GPC6: variants seen among roughly 807,000 people sequenced by gnomAD.
The protein encoded by GPC6 is glypican 6.
GPC6 carries 14 observed loss-of-function variants against 55.2 expected under a neutral mutation model. The ratio of observed to expected loss-of-function variants is 0.25; its 90% confidence interval spans 0.17 to 0.40. The LOEUF (loss-of-function observed/expected upper bound fraction) is 0.40. Ranked by LOEUF, GPC6 falls within the 10% of genes least tolerant of loss-of-function variation. The pLI is 1.00. For synonymous variants in GPC6, 278 were observed against 259.6 expected (o/e 1.07, Z -0.68); for missense variants, 641 against 708.5 (o/e 0.90, Z 1.08).
rs1266377644 is a variant in GPC6, at chr13:94,067,864, A to T, written c.877+39970A>T. ...TCTGGTTTTCTAGCCTTAGCAAAAG[A>T]TAAGGATACTAATGAATATGCTTAA... On this transcript the variant is annotated intron_variant, in intron 4 of 8. Transcript: ENST00000377047. Among the ~76,000 whole-genome samples, 3 of 152,340 alleles carry T rather than the reference A, an allele frequency of 2.0e-5. No homozygotes were observed. In the East Asian group the frequency reaches 5.8e-4, roughly 29 times the overall value.
intron 2 of GPC6, among the ~76,000 whole-genome samples, chr13:93,658,605 G>T (rs182737059): frequency 4.6e-5 from 7 of 151,498 alleles, no homozygotes; most frequent in Admixed American, 4.6e-4. Flanking sequence ...CCCTGTTAAT[G>T]TAATAGTTTA....
chr13:93,421,409 T>C (rs982744436), intron 1 of GPC6, among the ~76,000 whole-genome samples: 3 of 151,748 alleles, frequency 2.0e-5, no homozygotes, highest in African/African-American at 7.3e-5. Context: ...ATTGTTATTT[T>C]GTTTTAAAAA....
intron 1 of GPC6, among the ~76,000 whole-genome samples, chr13:93,262,821 C>T (rs8001306): frequency 0.04 from 6,094 of 152,130 alleles, 375 homozygotes; most frequent in African/African-American, 0.13. Context: ...GACCTGGACC[C>T]CAGCTGATGT....
At chr13:93,809,983 C>G (rs1186820162) in intron 2 of GPC6, among the ~76,000 whole-genome samples, 5 of 152,174 alleles carry the variant, frequency 3.3e-5, no homozygotes, top group African/African-American at 1.2e-4. Context: ...GGCATAGACA[C>G]TAAACTGGTC....
chr13:93,815,797 C>A (rs1278448519), intron 2 of GPC6, among the ~76,000 whole-genome samples: 1 of 152,050 alleles, frequency 6.6e-6, no homozygotes, highest in South Asian at 2.1e-4. Context: ...AAAGTATATT[C>A]ATTACCTTTG....
chr13:94,367,482 G>T (rs1879335314), intron 6 of GPC6, among the ~76,000 whole-genome samples: 1 of 152,184 alleles, frequency 6.6e-6, no homozygotes, highest in African/African-American at 2.4e-5. Flanking sequence ...AGATTTGAAA[G>T]TTTGTTGTTG....
intron 4 of GPC6, among the ~76,000 whole-genome samples, chr13:94,258,601 C>A (rs575661283): frequency 7.5e-4 from 114 of 152,276 alleles, no homozygotes; most frequent in Non-Finnish European, 1.4e-3. Flanking sequence ...ATATTTCTAA[C>A]TTTGTTAGGA....
At chr13:93,551,059 G>A (rs1292577260) in intron 2 of GPC6, among the ~76,000 whole-genome samples, 1 of 152,074 alleles carries the variant, frequency 6.6e-6, no homozygotes, top group East Asian at 1.9e-4. Context: ...AAGACTTTTT[G>A]GAAGAGCTTG....
chr13:94,211,923 A>C (rs939407184), intron 4 of GPC6, among the ~76,000 whole-genome samples: 2 of 152,202 alleles, frequency 1.3e-5, no homozygotes, highest in African/African-American at 4.8e-5. Context: ...TATATTTTAC[A>C]CCTAGGAGAT....
intron 4 of GPC6, among the ~76,000 whole-genome samples, chr13:94,138,945 C>T (rs774903097): frequency 1.3e-5 from 2 of 151,974 alleles, no homozygotes; most frequent in Non-Finnish European, 2.9e-5. Context: ...TACTATATAC[C>T]GGGATAAGGA....
intron 4 of GPC6, among the ~76,000 whole-genome samples, chr13:94,206,957 T>C (rs1465639368): frequency 6.6e-6 from 1 of 152,166 alleles, no homozygotes; most frequent in African/African-American, 2.4e-5. Flanking sequence ...ACCCCCTTTA[T>C]CTAACTCTCA....
chr13:93,994,447 T>C (rs1456497722), intron 3 of GPC6, among the ~76,000 whole-genome samples: 1 of 152,194 alleles, frequency 6.6e-6, no homozygotes, highest in Non-Finnish European at 1.5e-5. Flanking sequence ...ATAGAGCACA[T>C]TTTTGGTTTT....
At chr13:94,119,562 G>A (rs1243181517) in intron 4 of GPC6, among the ~76,000 whole-genome samples, 1 of 152,054 alleles carries the variant, frequency 6.6e-6, no homozygotes. Flanking sequence ...GGTAAGAATC[G>A]TTTCTCCAAA....
At chr13:94,368,147 CAA>C (rs5805859) in intron 6 of GPC6, among the ~76,000 whole-genome samples, 31 of 85,694 alleles carry the variant, frequency 3.6e-4, no homozygotes, top group East Asian at 5.4e-4. Flanking sequence ...GACTCTGTCT[CAA>C]AAAAAAAAAA....
chr13:93,584,610 G>C (rs536523397), intron 2 of GPC6, among the ~76,000 whole-genome samples: 1 of 150,808 alleles, frequency 6.6e-6, no homozygotes, highest in South Asian at 2.1e-4. Context: ...AGAGTATAAA[G>C]AGATCCAATA....
At chr13:94,199,048 A>G (rs1185701564) in intron 4 of GPC6, among the ~76,000 whole-genome samples, 1 of 152,206 alleles carries the variant, frequency 6.6e-6, no homozygotes, top group Non-Finnish European at 1.5e-5. Flanking sequence ...GGGCAATGGC[A>G]TGCCAGGTTG....
intron 4 of GPC6, among the ~76,000 whole-genome samples, chr13:94,096,210 A>G (rs1885650254): frequency 6.6e-6 from 1 of 152,182 alleles, no homozygotes; most frequent in African/African-American, 2.4e-5. Flanking sequence ...ATTCTATTTT[A>G]TGGGAATTTG....
intron 3 of GPC6, among the ~76,000 whole-genome samples, chr13:94,010,490 T>G (rs1882201300): frequency 1.3e-5 from 2 of 152,186 alleles, no homozygotes; most frequent in African/African-American, 4.8e-5. Flanking sequence ...GAGACACACT[T>G]TATAATATGC....
At chr13:93,695,117 CATAA>C (rs1381864091) in intron 2 of GPC6, among the ~76,000 whole-genome samples, 1 of 151,816 alleles carries the variant, frequency 6.6e-6, no homozygotes, top group African/African-American at 2.4e-5. Flanking sequence ...GAAATGAGTC[CATAA>C]ATAAATAAAA....
Sources: gnomAD v4.1 joint callset for allele counts (sites outside exome capture counted in the v4.1 genomes callset) on GRCh38, gnomAD v4.1.1 for gene constraint, MANE v1.5 for transcripts, NCBI Gene and HGNC (gene_info 2026-07-23, HGNC 2026-07-21) for gene names.